NMT1: variants seen among roughly 807,000 people sequenced by gnomAD.
The protein encoded by NMT1 is N-myristoyltransferase 1.
NMT1 carries 12 observed loss-of-function variants against 63.4 expected under a neutral mutation model. That is an observed-to-expected ratio of 0.19 (90% CI 0.12 to 0.31). NMT1 has a LOEUF of 0.31. Ranked by LOEUF, NMT1 falls within the 10% of genes least tolerant of loss-of-function variation. NMT1 has a pLI of 1.00. For missense variants in NMT1, 432 were observed against 634.6 expected, an observed-to-expected ratio of 0.68 and a Z score of 3.43; for synonymous variants, 228 against 234.3, an observed-to-expected ratio of 0.97 and a Z score of 0.25.
chr17:45,100,626 C>T (rs28784121), intron 8 of NMT1, among the ~76,000 whole-genome samples: 20,996 of 150,048 alleles, frequency 0.14, 1,327 homozygotes, highest in Middle Eastern at 0.17. Context: ...CTTTGGGAGG[C>T]CAAGGCAGGC....
At chr17:45,092,536 G>GAA (rs373277962) in intron 3 of NMT1, among the ~76,000 whole-genome samples, 28 of 140,120 alleles carry the variant, frequency 2.0e-4, no homozygotes, top group Admixed American at 2.9e-4. Context: ...CATCTCTACT[G>GAA]AAAAAAAAAA....
At chr17:45,102,519 T>A (rs2054173732) in intron 8 of NMT1, among the ~76,000 whole-genome samples, 1 of 152,228 alleles carries the variant, frequency 6.6e-6, no homozygotes, top group African/African-American at 2.4e-5. Context: ...GCTCTAAGTC[T>A]AGCAGAGAAA....
chr17:45,105,131 C>A lies in NMT1; in HGVS notation c.1470+135C>A. 8.6e-7 allele frequency: 1 copy of A among 1,161,886 alleles called. No homozygotes were observed. The highest frequency in any genetic ancestry group is 1.2e-6 in the Non-Finnish European group (1 of 825,002). 72.0% of individuals were successfully genotyped at this position (1,161,886 alleles called of 1,614,324 possible). On this transcript the variant is annotated intron_variant, in intron 11 of 11. Coordinates refer to ENST00000258960, the MANE Select transcript of NMT1 (RefSeq NM_021079.5). This position sits in a 1 kb window ranked among gnomAD's most constrained non-coding sequence, Gnocchi z 4.2. ...CTCGAGTTGAACCTTTGAAAATGCC[C>A]TCCCTCTGCTGGCCAGACCAGCAGG... is the stretch of plus-strand genomic sequence containing the variant.
chr17:45,083,446 C>G (rs2054030166), intron 2 of NMT1, among the ~76,000 whole-genome samples: 2 of 152,058 alleles, frequency 1.3e-5, no homozygotes, highest in Admixed American at 6.6e-5. Flanking sequence ...AATGTTATGC[C>G]TCAGCTTGAA....
At chr17:45,081,864 A>T in intron 2 of NMT1, 112 bp downstream of exon 2, 1 of 827,598 alleles carries the variant, frequency 1.2e-6, no homozygotes, top group Non-Finnish European at 1.9e-6. Context: ...TATTACTTCA[A>T]GATGGAAGAG....
intron 3 of NMT1, among the ~76,000 whole-genome samples, chr17:45,088,991 G>A (rs1456921163): frequency 2.0e-5 from 3 of 152,206 alleles, no homozygotes; most frequent in Non-Finnish European, 4.4e-5. Flanking sequence ...TGCAGTGTGT[G>A]GTGTCGGACT....
At chr17:45,097,266 C>A (rs767467616) in intron 6 of NMT1, 22 bp downstream of exon 6, 4 of 1,529,422 alleles carry the variant, frequency 2.6e-6, no homozygotes, top group Non-Finnish European at 3.6e-6. Flanking sequence ...CACCTACCCC[C>A]ACCCCCCACA....
rs576268123 is a variant in NMT1, at chr17:45,078,443, T to C, written c.132-3201T>C. 7.2e-5 allele frequency among the ~76,000 whole-genome samples: 11 copies of C among 152,224 alleles called. No homozygotes were observed. In the South Asian group the frequency reaches 2.3e-3, roughly 32 times the overall value. ...GATAGGAGAATCTGAAGACATTCTGTGAAGAGAATTGGCAGCATGTGATTT... is the reference window on the plus strand; with the variant it reads ...GATAGGAGAATCTGAAGACATTCTGCGAAGAGAATTGGCAGCATGTGATTT... On this transcript the variant is annotated intron_variant, in intron 1 of 11. Transcript: ENST00000258960.
Position 45,106,035 on chromosome 17 carries a change from T to C in NMT1, c.*396T>C, listed in dbSNP as rs17684744. On this transcript the variant is annotated 3_prime_UTR_variant, in exon 12 of 12. Coordinates refer to ENST00000258960, the MANE Select transcript of NMT1 (RefSeq NM_021079.5). Reference sequence around the variant, plus strand: ...CAAATGTACAAGGATGTTTGGTCTTTAATGAAAAGCTGAATCCAGATCATT... The same window carrying C: ...CAAATGTACAAGGATGTTTGGTCTTCAATGAAAAGCTGAATCCAGATCATT... 0.045 allele frequency: 6,822 copies of C among 151,990 alleles called. 217 individuals carry two copies. The highest frequency in any genetic ancestry group is 0.081 in the Middle Eastern group (23 of 284). The allele number at this position is 151,990 out of a possible 1,614,324, so 9.4% of individuals were successfully genotyped here.
Position 45,103,177 on chromosome 17 carries a change from C to A in NMT1, c.1164+56C>A. 3 of 1,544,846 alleles carry A rather than the reference C, an allele frequency of 1.9e-6. No individual in the cohort carries two copies. The highest frequency in any genetic ancestry group is 8.8e-7 in the Non-Finnish European group (1 of 1,130,234). Reference sequence around the variant, plus strand: ...AACACGTTCCCAGAGAGGCACCCCCCTGAGTGGCCGGGTTCCCAGGGCTCG... The same window carrying A: ...AACACGTTCCCAGAGAGGCACCCCCATGAGTGGCCGGGTTCCCAGGGCTCG... On this transcript the variant is annotated intron_variant, in intron 9 of 11. Coordinates refer to ENST00000258960, the MANE Select transcript of NMT1 (RefSeq NM_021079.5). This position sits in a 1 kb window ranked among gnomAD's most constrained non-coding sequence, Gnocchi z 4.8.
chr17:45,086,998 T>TA (rs34544143), intron 3 of NMT1, among the ~76,000 whole-genome samples: 82,920 of 143,196 alleles, frequency 0.58, 23,776 homozygotes, highest in African/African-American at 0.64. Context: ...CCACAAAAAG[T>TA]AAAAAAAAAA....
At position 45,105,097 on chromosome 17, in the gene NMT1, C is replaced by G; in HGVS notation, c.1470+101C>G. 6.8e-7 allele frequency: 1 copy of G among 1,474,802 alleles called. No individual in the cohort carries two copies. The highest frequency in any genetic ancestry group is 1.2e-5 in the South Asian group (1 of 83,280). The allele number at this position is 1,474,802 out of a possible 1,614,324, so 91.4% of individuals were successfully genotyped here. On this transcript the variant is annotated intron_variant, in intron 11 of 11. Transcript: ENST00000258960. This position sits in a 1 kb window ranked among gnomAD's most constrained non-coding sequence, Gnocchi z 4.2. ...TTGAGGAGACAGCCGCAGTCTGGGT[C>G]CTTGTTACCTCGAGTTGAACCTTTG...
In NMT1 at chr17:45,103,124, G is replaced by A. The variant is rs1344557033; in HGVS notation, c.1164+3G>A. On this transcript the variant is annotated splice_donor_region_variant and intron_variant, in intron 9 of 11. Coordinates refer to ENST00000258960, the MANE Select transcript of NMT1 (RefSeq NM_021079.5). This position sits in a 1 kb window ranked among gnomAD's most constrained non-coding sequence, Gnocchi z 4.8. ...TCATCGACACTTTCGTGGTGGAGGT[G>A]AGTCAGGGAGTGGTGTTCCAGGTCT... The A allele has an allele frequency of 2.5e-6, 4 of 1,604,160 alleles. No individual in the cohort carries two copies. The highest frequency in any genetic ancestry group is 3.4e-6 in the Non-Finnish European group (4 of 1,171,780).
intron 1 of NMT1, among the ~76,000 whole-genome samples, chr17:45,065,505 TC>T (rs769214756): frequency 7.3e-5 from 11 of 151,066 alleles, no homozygotes; most frequent in Non-Finnish European, 8.8e-5. Flanking sequence ...ATGCCTGTAG[TC>T]CCAGCTACTC....
rs771687715 is a variant in NMT1, at chr17:45,106,969, ACCG to A, written c.*1331_*1333del. ...TTCTGGAGTGGTGTTCAGCCAAGTGACCGGGCAAAATTGGGCTGTGAAATTGTA... is the reference window on the plus strand; with the variant it reads ...TTCTGGAGTGGTGTTCAGCCAAGTGAGGCAAAATTGGGCTGTGAAATTGTA... On this transcript the variant is annotated 3_prime_UTR_variant, in exon 12 of 12. Coordinates refer to ENST00000258960, the MANE Select transcript of NMT1 (RefSeq NM_021079.5). 2 of 152,202 alleles carry A rather than the reference ACCG, an allele frequency of 1.3e-5. No homozygotes were observed. Among genetic ancestry groups the A allele is most frequent in the African/African-American group, 4.8e-5 (2 of 41,416 alleles). 9.4% of individuals were successfully genotyped at this position (152,202 alleles called of 1,614,324 possible).
chr17:45,093,659 G>A, intron 3 of NMT1, 26 bp from the exon 4 acceptor site: 2 of 1,603,470 alleles, frequency 1.2e-6, no homozygotes, highest in Non-Finnish European at 8.5e-7. Context: ...CAAAGGGTGA[G>A]GCTCACAGCT....
chr17:45,086,786 G>C, intron 3 of NMT1, 134 bp downstream of exon 3: 1 of 940,714 alleles, frequency 1.1e-6, no homozygotes, highest in Non-Finnish European at 1.5e-6. Context: ...GTTGTTTTCA[G>C]AGGGTGGTTT....
intron 1 of NMT1, among the ~76,000 whole-genome samples, chr17:45,070,665 C>G (rs1411545856): frequency 6.6e-6 from 1 of 152,220 alleles, no homozygotes; most frequent in Non-Finnish European, 1.5e-5. Context: ...GATCCGCCCA[C>G]CTCGGCCTCC....
intron 1 of NMT1, among the ~76,000 whole-genome samples, chr17:45,080,386 T>C (rs1039596326): frequency 2.6e-5 from 4 of 151,498 alleles, no homozygotes. Flanking sequence ...TCTCGAACTC[T>C]GCACCTCAGG....
Sources: gnomAD v4.1 joint callset for allele counts (sites outside exome capture counted in the v4.1 genomes callset) on GRCh38, gnomAD v4.1.1 for gene constraint, Gnocchi (gnomAD v3.1) non-coding constraint, MANE v1.5 for transcripts, NCBI Gene and HGNC (gene_info 2026-07-23, HGNC 2026-07-21) for gene names.